The following LAMA4 variants were observed in gnomAD, a reference collection of about 807,000 sequenced individuals.
LAMA4 encodes the protein laminin subunit alpha 4, also known as laminin subunit alpha-4.
LAMA4 carries 127 observed loss-of-function variants against 207.1 expected under a neutral mutation model. The observed-to-expected ratio is 0.61, with a 90% CI of 0.53 to 0.71. The LOEUF is 0.71. Among genes scored for constraint, LAMA4 ranks in the 30% least tolerant of loss-of-function variants. LAMA4 has a pLI of 0.00. For synonymous variants in LAMA4, 761 were observed against 816.0 expected (o/e 0.93, Z 1.15); for missense variants, 2,093 against 2,246.5 (o/e 0.93, Z 1.38).
intron 8 of LAMA4, 76 bp from the exon 9 acceptor site, chr6:112,185,423 G>A: frequency 2.3e-6 from 2 of 868,822 alleles, no homozygotes; most frequent in South Asian, 1.3e-5. Flanking sequence ...CTCTTTCAGT[G>A]TAAGAGGACT....
chr6:112,220,823 T>C (rs1324432624), intron 2 of LAMA4, among the ~76,000 whole-genome samples: 3 of 152,162 alleles, frequency 2.0e-5, no homozygotes, highest in African/African-American at 7.2e-5. Flanking sequence ...TGGCAAACTT[T>C]TAAGTCATTT....
At chr6:112,171,479 G>C (rs1320049318) in intron 12 of LAMA4, among the ~76,000 whole-genome samples, 1 of 152,086 alleles carries the variant, frequency 6.6e-6, no homozygotes, top group Non-Finnish European at 1.5e-5. Flanking sequence ...GCCAGAACTA[G>C]AGAAGTTGTA....
At chr6:112,208,527 G>A (rs1351789138) in intron 3 of LAMA4, among the ~76,000 whole-genome samples, 1 of 152,134 alleles carries the variant, frequency 6.6e-6, no homozygotes, top group Non-Finnish European at 1.5e-5. Context: ...GAGGTCACAC[G>A]GATAGTAGGT....
At chr6:112,131,684 T>G (rs1554329854) in intron 28 of LAMA4, among the ~76,000 whole-genome samples, 1 of 152,156 alleles carries the variant, frequency 6.6e-6, no homozygotes, top group East Asian at 1.9e-4. Context: ...GGGCAAAAAG[T>G]GTTATTTAAC....
At chr6:112,164,747 C>G (rs371285468) in intron 13 of LAMA4, among the ~76,000 whole-genome samples, 25 of 152,258 alleles carry the variant, frequency 1.6e-4, no homozygotes, top group African/African-American at 5.5e-4. Flanking sequence ...CCAGATTTAT[C>G]AAACACAACT....
intron 2 of LAMA4, among the ~76,000 whole-genome samples, chr6:112,241,152 T>TTC (rs1786436804): frequency 1.0e-5 from 1 of 98,480 alleles, no homozygotes. Context: ...TATATATGAA[T>TTC]ATATATATGA....
chr6:112,196,984 G>A (rs1783458371), intron 5 of LAMA4, among the ~76,000 whole-genome samples: 1 of 152,174 alleles, frequency 6.6e-6, no homozygotes, highest in African/African-American at 2.4e-5. Flanking sequence ...GTGATTCTGA[G>A]CAGGTGACTT....
At chr6:112,137,625 G>C (rs962264378) in intron 24 of LAMA4, among the ~76,000 whole-genome samples, 1 of 152,160 alleles carries the variant, frequency 6.6e-6, no homozygotes, top group African/African-American at 2.4e-5. Context: ...TGCAGTTTAC[G>C]TGTGGCTAGT....
At chr6:112,159,077 T>C in intron 13 of LAMA4, 197 bp from the exon 14 acceptor site, 1 of 562,810 alleles carries the variant, frequency 1.8e-6, no homozygotes, top group Non-Finnish European at 3.1e-6. Flanking sequence ...TATTGATTGC[T>C]TCCCTAGCTA....
chr6:112,201,203 T>C (rs946105233), intron 5 of LAMA4, among the ~76,000 whole-genome samples: 1 of 152,190 alleles, frequency 6.6e-6, no homozygotes, highest in Non-Finnish European at 1.5e-5. Flanking sequence ...TTTATTGCTC[T>C]ATTGACAAAA....
At chr6:112,248,353 G>T in intron 2 of LAMA4, among the ~76,000 whole-genome samples, 1 of 151,938 alleles carries the variant, frequency 6.6e-6, no homozygotes, top group East Asian at 1.9e-4. Flanking sequence ...CAAAAAATTA[G>T]CCAGGCATGG....
chr6:112,112,099 C>T (rs1384183191), intron 38 of LAMA4, among the ~76,000 whole-genome samples: 3 of 152,144 alleles, frequency 2.0e-5, no homozygotes, highest in African/African-American at 4.8e-5. Flanking sequence ...AAGGAATGCA[C>T]TTCTTAGTTT....
chr6:112,194,079 T>C (rs2114974710), intron 5 of LAMA4, among the ~76,000 whole-genome samples: 1 of 152,352 alleles, frequency 6.6e-6, no homozygotes, highest in African/African-American at 2.4e-5. Context: ...TCGCACTTTC[T>C]CATGTCTTTG....
chr6:112,156,546 C>A (rs1184053170), intron 14 of LAMA4, among the ~76,000 whole-genome samples: 2 of 152,162 alleles, frequency 1.3e-5, no homozygotes, highest in African/African-American at 4.8e-5. Flanking sequence ...TAAACTCTAA[C>A]CTCCACTTCC....
At chr6:112,164,596 C>T (rs7766236) in intron 13 of LAMA4, among the ~76,000 whole-genome samples, 2 of 151,986 alleles carry the variant, frequency 1.3e-5, no homozygotes, top group East Asian at 1.9e-4. Flanking sequence ...AAATAGTCAA[C>T]GGACAATCAA....
At chr6:112,171,100 G>A (rs1438132049) in intron 12 of LAMA4, among the ~76,000 whole-genome samples, 5 of 152,066 alleles carry the variant, frequency 3.3e-5, no homozygotes, top group Non-Finnish European at 7.4e-5. Context: ...AGAATTGTAC[G>A]TTGCAACCTG....
intron 5 of LAMA4, among the ~76,000 whole-genome samples, chr6:112,198,030 A>C (rs1300036561): frequency 1.3e-5 from 2 of 152,226 alleles, no homozygotes; most frequent in Non-Finnish European, 2.9e-5. Flanking sequence ...AAGGACAACC[A>C]AGGTTCTTAG....
At chr6:112,159,448 G>A (rs1269676523) in intron 13 of LAMA4, 1 of 157,138 alleles carries the variant, frequency 6.4e-6, no homozygotes, top group Non-Finnish European at 1.4e-5. Flanking sequence ...GGCTCTCTTG[G>A]TTTTTAATAC....
intron 2 of LAMA4, chr6:112,218,836 GGAGGGC>G: frequency 6.6e-6 from 1 of 152,308 alleles, no homozygotes; most frequent in Non-Finnish European, 1.5e-5. Context: ...GAGAGGGCGA[GGAGGGC>G]TGGCAGGGAA....
Sources: allele counts gnomAD v4.1 joint callset (sites outside exome capture counted in the v4.1 genomes callset), GRCh38; gene constraint gnomAD v4.1.1; transcripts MANE v1.5; gene names NCBI Gene and HGNC (gene_info 2026-07-23, HGNC 2026-07-21).